Variants in DCC observed in about 807,000 individuals in gnomAD.
DCC encodes netrin receptor DCC.
In DCC, 58 loss-of-function variants were observed where a neutral mutation model predicts 172.5. The ratio of observed to expected loss-of-function variants is 0.34; its 90% CI spans 0.27 to 0.42. DCC has a LOEUF of 0.42. Ranked by LOEUF, DCC falls within the 10% of genes least tolerant of loss-of-function variation. The pLI, the probability that DCC is intolerant of heterozygous loss-of-function variation, is 1.00. For missense variants in DCC, 1,740 were observed against 1,791.0 expected (o/e 0.97, Z 0.51); for synonymous variants, 709 against 644.5 (o/e 1.10, Z -1.52).
intron 7 of DCC, among the ~76,000 whole-genome samples, chr18:53,119,010 A>C (rs1330962314): frequency 6.6e-6 from 1 of 151,836 alleles, no homozygotes; most frequent in Non-Finnish European, 1.5e-5. Flanking sequence ...GGCAGAATCT[A>C]CTGGTCATTC....
At chr18:52,552,244 C>A (rs2032796853) in intron 1 of DCC, among the ~76,000 whole-genome samples, 1 of 151,908 alleles carries the variant, frequency 6.6e-6, no homozygotes, top group Admixed American at 6.6e-5. Flanking sequence ...ATTAGGAGGG[C>A]AAAGCAAAAT....
Position 52,645,753 on chromosome 18 carries a change from G to C in DCC, c.92-106301G>C, listed in dbSNP as rs553585580. On this transcript the variant is annotated intron_variant, in intron 1 of 28. Coordinates refer to ENST00000442544, the MANE Select transcript of DCC (RefSeq NM_005215.4). Reference sequence around the variant, plus strand: ...GTTCAGATGTAGCAGAGAGTTTGGTGAGTTCTAGACATGGAATGAGCTCTA... The same window carrying C: ...GTTCAGATGTAGCAGAGAGTTTGGTCAGTTCTAGACATGGAATGAGCTCTA... Among the ~76,000 whole-genome samples, 17 of 152,288 alleles carry C rather than the reference G, an allele frequency of 1.1e-4. No individual in the cohort carries two copies. The South Asian group carries it at 3.1e-3, about 28-fold the overall frequency.
chr18:53,175,979 G>A (rs1265331403), intron 8 of DCC, among the ~76,000 whole-genome samples: 1 of 151,686 alleles, frequency 6.6e-6, no homozygotes, highest in Non-Finnish European at 1.5e-5. Flanking sequence ...CCAAAACAGA[G>A]ATATAGATCA....
chr18:53,388,220 A>G (rs1020050365), intron 16 of DCC, among the ~76,000 whole-genome samples: 5 of 152,198 alleles, frequency 3.3e-5, no homozygotes, highest in African/African-American at 1.2e-4. Context: ...CCTTTTCAAA[A>G]AGGAAAGAAA....
chr18:53,030,653 A>G (rs1445434446), intron 5 of DCC, among the ~76,000 whole-genome samples: 1 of 152,130 alleles, frequency 6.6e-6, no homozygotes, highest in African/African-American at 2.4e-5. Flanking sequence ...CTAGTTGAGG[A>G]TTAGTGGATA....
rs974855198 is a variant in DCC at position 52,363,861 on chromosome 18, A to G, written c.91+22983A>G. On this transcript the variant is annotated intron_variant, in intron 1 of 28. Transcript: ENST00000442544. Reference sequence around the variant, plus strand: ...TAAAAGTCCTCCTTCTAAGATATCAACATTGGCTTTTTTCTTAGTGACTTT... The same window carrying G: ...TAAAAGTCCTCCTTCTAAGATATCAGCATTGGCTTTTTTCTTAGTGACTTT... 5.3e-5 allele frequency among the ~76,000 whole-genome samples: 8 copies of G among 152,244 alleles called. No homozygotes were observed. In the South Asian group the frequency reaches 8.3e-4, roughly 16 times the overall value.
chr18:52,660,260 A>G (rs1054498755), intron 1 of DCC, among the ~76,000 whole-genome samples: 2 of 152,126 alleles, frequency 1.3e-5, no homozygotes, highest in African/African-American at 4.8e-5. Flanking sequence ...CCTGACAGCA[A>G]AAGGACATTC....
At chr18:52,786,421 C>T (rs2037661605) in intron 2 of DCC, among the ~76,000 whole-genome samples, 2 of 152,126 alleles carry the variant, frequency 1.3e-5, no homozygotes, top group South Asian at 2.1e-4. Flanking sequence ...GTATGATATG[C>T]TTTGGAGCAT....
Position 53,005,693 on chromosome 18 carries a change from A to C in DCC, c.986-57612A>C, listed in dbSNP as rs145076779. Among the ~76,000 whole-genome samples, 748 of 152,282 alleles carry C rather than the reference A, an allele frequency of 4.9e-3. 5 individuals are homozygous for C. Among genetic ancestry groups the C allele is most frequent in the African/African-American group, 0.017 (712 of 41,554 alleles). ...CAGTGAGCTGAGATCATGCCACTGC[A>C]CTCCAGCCTGGGTGACAGAGTGAGA... is the stretch of plus-strand genomic sequence containing the variant. On this transcript the variant is annotated intron_variant, in intron 5 of 28. Coordinates refer to ENST00000442544, the MANE Select transcript of DCC (RefSeq NM_005215.4).
At chr18:53,451,747 CTCTG>C (rs1024883564) in intron 23 of DCC, among the ~76,000 whole-genome samples, 3 of 152,038 alleles carry the variant, frequency 2.0e-5, no homozygotes, top group South Asian at 2.1e-4. Flanking sequence ...CTCTCTCTCT[CTCTG>C]TCTGTCTTTC....
chr18:52,487,693 C>T (rs566768490), intron 1 of DCC, among the ~76,000 whole-genome samples: 96 of 151,596 alleles, frequency 6.3e-4, no homozygotes, highest in Admixed American at 2.0e-3. Flanking sequence ...TGCCTGCAGT[C>T]CCAGCTACTG....
At chr18:52,832,517 G>A (rs541118604) in intron 2 of DCC, among the ~76,000 whole-genome samples, 5 of 152,098 alleles carry the variant, frequency 3.3e-5, no homozygotes, top group Non-Finnish European at 7.4e-5. Flanking sequence ...CGTCTTCCGT[G>A]GACTCGTTTA....
intron 23 of DCC, among the ~76,000 whole-genome samples, chr18:53,455,730 T>C (rs187064942): frequency 1.1e-3 from 164 of 152,356 alleles, no homozygotes; most frequent in African/African-American, 3.7e-3. Context: ...TGTATCTATT[T>C]GGGCCAAGGC....
In DCC at chr18:53,339,664, A is replaced by G. The variant is rs371892839; in HGVS notation, c.2165-49A>G. 1.1e-5 allele frequency: 16 copies of G among 1,439,966 alleles called. No homozygotes were observed. The Admixed American group carries it at 1.7e-4, about 15-fold the overall frequency. 89.2% of individuals were successfully genotyped at this position (1,439,966 alleles called of 1,614,324 possible). A position where few individuals can be genotyped will look rare whatever the true frequency, so the allele number is the denominator to read the frequency against. On this transcript the variant is annotated intron_variant, in intron 14 of 28. Transcript: ENST00000442544. ...TGCTTAAATGGTGTTCTGCCGTGCT[A>G]CATTTTCTGTTATGAGACATGCTGA...
chr18:52,479,319 A>G (rs2144578626), intron 1 of DCC, among the ~76,000 whole-genome samples: 1 of 152,294 alleles, frequency 6.6e-6, no homozygotes, highest in South Asian at 2.1e-4. Context: ...TAGAAAAATC[A>G]CTTACCACCA....
At position 52,910,127 on chromosome 18, in the gene DCC, A is replaced by G. The variant is rs558541911; in HGVS notation, c.697+3799A>G. ...GCTCATCCTGGAGAGAATTGACCAA[A>G]AGCAGCTACTAAGGCAACATCAGAG... On this transcript the variant is annotated intron_variant, in intron 3 of 28. Coordinates refer to ENST00000442544, the MANE Select transcript of DCC (RefSeq NM_005215.4). Among the ~76,000 whole-genome samples the G allele has an allele frequency of 4.3e-4, 65 of 152,198 alleles. No homozygotes were observed. In the South Asian group the frequency reaches 0.013, roughly 32 times the overall value.
chr18:52,921,792 A>G lies in DCC; in HGVS notation c.698-1915A>G, dbSNP rs572207301. 4.0e-5 allele frequency among the ~76,000 whole-genome samples: 6 copies of G among 151,678 alleles called. No homozygotes were observed. The East Asian group carries it at 9.7e-4, about 24-fold the overall frequency. Reference sequence around the variant, plus strand: ...ATTAGTAGCATCGTTGATAGGTCCTAGGTAATTTTTTTTTCTTTTTTAGCT... The same window carrying G: ...ATTAGTAGCATCGTTGATAGGTCCTGGGTAATTTTTTTTTCTTTTTTAGCT... On this transcript the variant is annotated intron_variant, in intron 3 of 28. Coordinates refer to ENST00000442544, the MANE Select transcript of DCC (RefSeq NM_005215.4).
At chr18:52,393,011 G>C (rs1986087588) in intron 1 of DCC, among the ~76,000 whole-genome samples, 2 of 152,170 alleles carry the variant, frequency 1.3e-5, no homozygotes, top group South Asian at 4.1e-4. Flanking sequence ...GGTGAAGCCA[G>C]GGCCAGTACT....
At chr18:53,314,138 C>A (rs188737289) in intron 13 of DCC, among the ~76,000 whole-genome samples, 1 of 152,224 alleles carries the variant, frequency 6.6e-6, no homozygotes, top group Admixed American at 6.5e-5. Context: ...AAAGAGCCTC[C>A]AGTACATCTA....
Sources: allele counts gnomAD v4.1 joint callset (sites outside exome capture counted in the v4.1 genomes callset), GRCh38; gene constraint gnomAD v4.1.1; transcripts MANE v1.5; gene names NCBI Gene and HGNC (gene_info 2026-07-23, HGNC 2026-07-21).